Variants in AP4S1 observed in about 807,000 individuals in gnomAD.
The protein encoded by AP4S1 is adaptor related protein complex 4 subunit sigma 1, also known as AP-4 complex subunit sigma-1.
A neutral mutation model predicts 19.8 loss-of-function variants in AP4S1; 23 were observed. The ratio of observed to expected loss-of-function variants is 1.16; its 90% CI spans 0.84 to 1.65. The LOEUF is 1.65. AP4S1 is among the 40% of genes most tolerant of loss of function. The probability of loss-of-function intolerance (pLI) is 0.00; values close to 1 mark genes in which losing one functional copy is unlikely to be tolerated. For synonymous variants in AP4S1, 46 were observed against 54.1 expected (o/e 0.85, Z 0.66); for missense variants, 166 against 172.8 (o/e 0.96, Z 0.22).
chr14:31,035,137 C>T (rs1555329578), intron 1 of AP4S1, among the ~76,000 whole-genome samples: 1 of 143,578 alleles, frequency 7.0e-6, no homozygotes, highest in Non-Finnish European at 1.5e-5. Context: ...GTTTTTGCTT[C>T]TTTTTTTTAG....
Position 31,071,916 on chromosome 14 carries a change from T to TG in AP4S1, c.226-989_226-988insG, listed in dbSNP as rs1378816859. Among the ~76,000 whole-genome samples, 22 of 96,636 alleles carry TG rather than the reference T, an allele frequency of 2.3e-4. No individual in the cohort carries two copies. In the East Asian group the frequency reaches 3.6e-3, roughly 16 times the overall value. 63.4% of individuals were successfully genotyped at this position (96,636 alleles called of 152,430 possible). A position where few individuals can be genotyped will look rare whatever the true frequency, so the allele number is the denominator to read the frequency against. Reference sequence around the variant, plus strand: ...TTATTTATTTATTTATTTATTTATTTATTTGATTTTTTTTGGGGGGGTGGG... The same window carrying TG: ...TTATTTATTTATTTATTTATTTATTTGATTTGATTTTTTTTGGGGGGGTGGG... On this transcript the variant is annotated intron_variant, in intron 3 of 5. Coordinates refer to ENST00000542754, the MANE Select transcript of AP4S1 (RefSeq NM_001128126.3).
At chr14:31,036,184 A>G (rs200640042) in intron 1 of AP4S1, among the ~76,000 whole-genome samples, 1 of 143,750 alleles carries the variant, frequency 7.0e-6, no homozygotes, top group Non-Finnish European at 1.5e-5. Flanking sequence ...AACAAAAAAG[A>G]AAAAAATAAT....
At chr14:31,088,652 A>G (rs748985198) in intron 5 of AP4S1, among the ~76,000 whole-genome samples, 83 of 152,140 alleles carry the variant, frequency 5.5e-4, no homozygotes, top group South Asian at 4.2e-4. Flanking sequence ...TACTAAAAAT[A>G]CAAAAATTAG....
At chr14:31,052,577 A>T (rs1006436627) in intron 1 of AP4S1, among the ~76,000 whole-genome samples, 1 of 151,864 alleles carries the variant, frequency 6.6e-6, no homozygotes, top group African/African-American at 2.4e-5. Flanking sequence ...ATACAAAAAA[A>T]ATTAGGCAGG....
intron 5 of AP4S1, among the ~76,000 whole-genome samples, chr14:31,082,895 C>CAA (rs769994048): frequency 0.17 from 16,528 of 96,034 alleles, 1,136 homozygotes; most frequent in Non-Finnish European, 0.22. Flanking sequence ...GACTCCGTCT[C>CAA]AAAAAAAAAA....
rs2139098723 is a variant in AP4S1, at chr14:31,080,752, A to C, written c.306+168A>C. On this transcript the variant is annotated intron_variant, in intron 5 of 5. Coordinates refer to ENST00000542754, the MANE Select transcript of AP4S1 (RefSeq NM_001128126.3). ...TGTGTGTTCTGCAGAACTCCTCCCC[A>C]ACTTCGTCACCCTGCTTCAACAAGG... The C allele has an allele frequency of 3.3e-6, 3 of 905,824 alleles. No individual in the cohort carries two copies. The South Asian group carries it at 4.0e-5, about 12-fold the overall frequency. The allele number at this position is 905,824 out of a possible 1,614,324, so 56.1% of individuals were successfully genotyped here. A position where few individuals can be genotyped will look rare whatever the true frequency, so the allele number is the denominator to read the frequency against.
intron 1 of AP4S1, among the ~76,000 whole-genome samples, chr14:31,047,620 C>T (rs1885492987): frequency 6.6e-6 from 1 of 152,016 alleles, no homozygotes; most frequent in South Asian, 2.1e-4. Context: ...TGGTCTCGAT[C>T]TCCTGACCTT....
intron 1 of AP4S1, among the ~76,000 whole-genome samples, chr14:31,028,861 G>A (rs1449713039): frequency 6.6e-6 from 1 of 152,164 alleles, no homozygotes; most frequent in African/African-American, 2.4e-5. Flanking sequence ...TAGCCTGGGT[G>A]AAAGAGAGAG....
intron 1 of AP4S1, among the ~76,000 whole-genome samples, chr14:31,064,519 A>G (rs1158097134): frequency 2.0e-5 from 3 of 152,202 alleles, no homozygotes; most frequent in Non-Finnish European, 2.9e-5. Flanking sequence ...CCAAGGATTC[A>G]CCATATTGGC....
intron 1 of AP4S1, among the ~76,000 whole-genome samples, chr14:31,048,559 TTGCCAAAAATCTC>T (rs1236027505): frequency 4.6e-5 from 7 of 151,888 alleles, no homozygotes; most frequent in Non-Finnish European, 8.8e-5. Flanking sequence ...AAACCCCGTT[TTGCCAAAAATCTC>T]TGCCAAAAAT....
chr14:31,051,775 C>T (rs978016593), intron 1 of AP4S1, among the ~76,000 whole-genome samples: 1 of 152,168 alleles, frequency 6.6e-6, no homozygotes, highest in Non-Finnish European at 1.5e-5. Flanking sequence ...ATTCCCCTGC[C>T]TCAGCCTCCA....
chr14:31,071,765 A>T (rs1189362299), intron 3 of AP4S1, among the ~76,000 whole-genome samples: 2 of 152,086 alleles, frequency 1.3e-5, no homozygotes, highest in African/African-American at 4.8e-5. Context: ...GCTAGAATGC[A>T]GTGGCACCTT....
intron 5 of AP4S1, among the ~76,000 whole-genome samples, chr14:31,083,177 T>G (rs1348497059): frequency 6.6e-6 from 1 of 152,200 alleles, no homozygotes; most frequent in Non-Finnish European, 1.5e-5. Flanking sequence ...TATAGGTCTG[T>G]GTGATGAGCT....
chr14:31,066,832 A>G (rs2139571858), intron 2 of AP4S1, among the ~76,000 whole-genome samples: 1 of 152,370 alleles, frequency 6.6e-6, no homozygotes, highest in South Asian at 2.1e-4. Context: ...ATATACCACC[A>G]ATATAATACT....
chr14:31,059,065 G>A (rs1053292097), intron 1 of AP4S1, among the ~76,000 whole-genome samples: 1 of 152,078 alleles, frequency 6.6e-6, no homozygotes, highest in Non-Finnish European at 1.5e-5. Flanking sequence ...TCAGTTCTCA[G>A]ATGTGTACTT....
At chr14:31,047,659 C>T (rs1235196209) in intron 1 of AP4S1, among the ~76,000 whole-genome samples, 5 of 151,868 alleles carry the variant, frequency 3.3e-5, no homozygotes, top group Admixed American at 6.6e-5. Flanking sequence ...CCTCCCAAAG[C>T]GCTGGGACTA....
At chr14:31,049,451 A>ATG (rs1566520686) in intron 1 of AP4S1, among the ~76,000 whole-genome samples, 1 of 76,190 alleles carries the variant, frequency 1.3e-5, no homozygotes, top group African/African-American at 5.8e-5. Flanking sequence ...ATATATATAT[A>ATG]TATATATATA....
At position 31,057,540 on chromosome 14, in the gene AP4S1, G is replaced by A. The variant is rs376888600; in HGVS notation, c.-71-8586G>A. 1.2e-4 allele frequency among the ~76,000 whole-genome samples: 19 copies of A among 152,260 alleles called. No homozygotes were observed. The South Asian group carries it at 3.5e-3, about 28-fold the overall frequency. ...CCTCTTCAATCTCTCTTTTCTCTGG[G>A]CATTAAGTTTACATCATGTGGTTGC... On this transcript the variant is annotated intron_variant, in intron 1 of 5. Coordinates refer to ENST00000542754, the MANE Select transcript of AP4S1 (RefSeq NM_001128126.3).
intron 1 of AP4S1, among the ~76,000 whole-genome samples, chr14:31,056,045 A>C (rs1401130006): frequency 1.3e-5 from 2 of 151,946 alleles, no homozygotes; most frequent in Non-Finnish European, 2.9e-5. Flanking sequence ...AAGTTTCACC[A>C]TGTTGGCCAG....
Sources: gnomAD v4.1 joint callset for allele counts (sites outside exome capture counted in the v4.1 genomes callset) on GRCh38, gnomAD v4.1.1 for gene constraint, MANE v1.5 for transcripts, NCBI Gene and HGNC (gene_info 2026-07-23, HGNC 2026-07-21) for gene names.